The following MCCC1 variants were observed in gnomAD, a reference collection of about 807,000 sequenced individuals.
The protein encoded by MCCC1 is methylcrotonyl-CoA carboxylase subunit 1.
A neutral mutation model predicts 83.8 loss-of-function variants in MCCC1; 64 were observed. The observed-to-expected ratio is 0.76, with a 90% confidence interval of 0.62 to 0.94. The LOEUF is 0.94. Among genes scored for constraint, MCCC1 ranks in the 40% least tolerant of loss-of-function variants. The pLI is 0.00. For synonymous variants in MCCC1, 322 were observed against 315.4 expected, an observed-to-expected ratio of 1.02 and a Z score of -0.22; for missense variants, 807 against 904.7, an observed-to-expected ratio of 0.89 and a Z score of 1.39.
intron 14 of MCCC1, among the ~76,000 whole-genome samples, chr3:183,032,967 G>C (rs1360391495): frequency 2.6e-5 from 4 of 151,878 alleles, no homozygotes; most frequent in Non-Finnish European, 4.4e-5. Flanking sequence ...AGCGTTCTGT[G>C]ATCAGCTGGT....
chr3:183,021,606 T>C (rs996243117), intron 16 of MCCC1, among the ~76,000 whole-genome samples: 4 of 152,318 alleles, frequency 2.6e-5, no homozygotes, highest in African/African-American at 9.6e-5. Flanking sequence ...GTCACATGGC[T>C]GTTAAGTGGC....
chr3:183,081,414 G>C (rs999858627), intron 4 of MCCC1, among the ~76,000 whole-genome samples: 9 of 152,142 alleles, frequency 5.9e-5, no homozygotes, highest in Admixed American at 2.0e-4. Context: ...CAACCTTTTA[G>C]TTTGTATTTA....
chr3:183,102,051 T>A (rs570278701), upstream of MCCC1, among the ~76,000 whole-genome samples: 152 of 152,022 alleles, frequency 1.0e-3, no homozygotes, highest in African/African-American at 3.4e-3. Context: ...ACCGCGAGGG[T>A]GTGCAGCTTC....
At chr3:183,050,045 A>G (rs917849986) in intron 9 of MCCC1, among the ~76,000 whole-genome samples, 2 of 152,144 alleles carry the variant, frequency 1.3e-5, no homozygotes, top group Non-Finnish European at 2.9e-5. Context: ...ACTTGAGTCC[A>G]GGAAGTGGAG....
At chr3:183,098,392 T>C (rs555154844) in intron 1 of MCCC1, 2 of 152,250 alleles carry the variant, frequency 1.3e-5, no homozygotes, top group Non-Finnish European at 2.9e-5. Flanking sequence ...TGCTTAAACC[T>C]CATTCCATGA....
At chr3:183,105,818 A>T (rs1241911533) in intron 1 of MCCC1, among the ~76,000 whole-genome samples, 1 of 152,056 alleles carries the variant, frequency 6.6e-6, no homozygotes, top group African/African-American at 2.4e-5. Flanking sequence ...GGCCTGGTGC[A>T]GTGGCTCACG....
intron 11 of MCCC1, among the ~76,000 whole-genome samples, chr3:183,041,009 A>T (rs998635086): frequency 6.6e-6 from 1 of 152,232 alleles, no homozygotes; most frequent in East Asian, 1.9e-4. Flanking sequence ...ATGCCTACTT[A>T]CAGGGTACTT....
chr3:183,015,906 CT>C (rs1424836324), intron 18 of MCCC1, among the ~76,000 whole-genome samples: 2 of 147,914 alleles, frequency 1.4e-5, no homozygotes, highest in Non-Finnish European at 3.0e-5. Flanking sequence ...TGTTTGCTTG[CT>C]TTTGTTTTTT....
At chr3:183,080,904 T>C (rs1270012606) in intron 4 of MCCC1, among the ~76,000 whole-genome samples, 1 of 152,170 alleles carries the variant, frequency 6.6e-6, no homozygotes, top group African/African-American at 2.4e-5. Flanking sequence ...ATGAGACTCA[T>C]TCACTATCAT....
chr3:183,075,262 T>C (rs1716982716), intron 4 of MCCC1, among the ~76,000 whole-genome samples: 1 of 152,226 alleles, frequency 6.6e-6, no homozygotes, highest in Non-Finnish European at 1.5e-5. Flanking sequence ...ATGGCAGTTT[T>C]GCTTTTAGCT....
In MCCC1 at chr3:183,020,117, G is replaced by A. The variant is rs1261040968; in HGVS notation, c.1977+13C>T. ...ACTTACTGAACATCATTCTACAGAT[G>A]TCATGTGATTACCTTTTCAATGGTT... On this transcript the variant is annotated intron_variant, in intron 17 of 18. Coordinates refer to ENST00000265594, the MANE Select transcript of MCCC1 (RefSeq NM_020166.5). 5 of 1,584,272 alleles carry A rather than the reference G, an allele frequency of 3.2e-6. No individual in the cohort carries two copies. The highest frequency in any genetic ancestry group is 1.7e-5 in the Admixed American group (1 of 59,958).
At chr3:183,073,721 T>A (rs978386905) in intron 4 of MCCC1, among the ~76,000 whole-genome samples, 1 of 152,256 alleles carries the variant, frequency 6.6e-6, no homozygotes, top group East Asian at 1.9e-4. Context: ...AGAAACTTGG[T>A]CCTTACCAAG....
In MCCC1 at chr3:183,064,283, T is replaced by G. The variant is rs915886026; in HGVS notation, c.761+6716A>C. ...GCTAGAAAAGATCCCCCTTTTTTTT[T>G]TAATTCCAAGTGATAACTCTGTATT... is the stretch of plus-strand genomic sequence containing the variant. On this transcript the variant is annotated intron_variant, in intron 7 of 18. Coordinates refer to ENST00000265594, the MANE Select transcript of MCCC1 (RefSeq NM_020166.5). This position sits in a 1 kb window ranked among gnomAD's most constrained non-coding sequence, Gnocchi z 4.5. Among the ~76,000 whole-genome samples the G allele has an allele frequency of 6.6e-6, 1 of 152,086 alleles. No homozygotes were observed.
intron 7 of MCCC1, among the ~76,000 whole-genome samples, chr3:183,070,089 T>C (rs1716543440): frequency 2.0e-5 from 3 of 152,196 alleles, no homozygotes; most frequent in Admixed American, 1.3e-4. Context: ...ATATTAGAAT[T>C]AGAAGGACAG....
chr3:183,022,565 T>C lies in MCCC1; in HGVS notation c.1732-11A>G, dbSNP rs761582302. The stretch of plus-strand genomic sequence containing the variant: ...AGTTTTATCTTCAATCTGAAAAAAA[T>C]GAAAAATAAGATTTTTAAAATAAAT... On this transcript the variant is annotated splice_polypyrimidine_tract_variant and intron_variant, in intron 15 of 18. Transcript: ENST00000265594. The C allele has an allele frequency of 3.7e-6, 6 of 1,601,604 alleles. No individual in the cohort carries two copies. In the South Asian group the frequency reaches 6.6e-5, roughly 18 times the overall value.
intron 7 of MCCC1, among the ~76,000 whole-genome samples, chr3:183,062,594 A>G (rs550804797): frequency 1.3e-5 from 2 of 152,084 alleles, no homozygotes; most frequent in Non-Finnish European, 2.9e-5. Context: ...AGCTCAGGCA[A>G]TCTGCCCGCC....
chr3:183,048,321 A>G (rs1342416596), intron 9 of MCCC1, among the ~76,000 whole-genome samples: 3 of 152,242 alleles, frequency 2.0e-5, no homozygotes, highest in African/African-American at 4.8e-5. Flanking sequence ...GTCTAAATAT[A>G]CCAATTAAAA....
chr3:183,036,463 G>A (rs1387364210), intron 13 of MCCC1, among the ~76,000 whole-genome samples: 1 of 150,950 alleles, frequency 6.6e-6, no homozygotes, highest in Non-Finnish European at 1.5e-5. Flanking sequence ...GAGGAGTGGC[G>A]AACAAAAGAA....
At chr3:183,054,520 G>A (rs1025964026) in intron 8 of MCCC1, among the ~76,000 whole-genome samples, 1 of 152,132 alleles carries the variant, frequency 6.6e-6, no homozygotes, top group African/African-American at 2.4e-5. Context: ...TGCATAATGT[G>A]TTTGTGTTTT....
Sources: allele counts gnomAD v4.1 joint callset (sites outside exome capture counted in the v4.1 genomes callset), GRCh38; gene constraint gnomAD v4.1.1; non-coding constraint Gnocchi (gnomAD v3.1); transcripts MANE v1.5; gene names NCBI Gene and HGNC (gene_info 2026-07-23, HGNC 2026-07-21).